Variants in GABRG2 observed in about 807,000 individuals in gnomAD.
GABRG2 encodes gamma-aminobutyric acid type A receptor subunit gamma2, also known as gamma-aminobutyric acid receptor subunit gamma-2.
Under a neutral mutation model 56.4 loss-of-function variants are expected in GABRG2, and 16 were observed. The ratio of observed to expected loss-of-function variants is 0.28; its 90% CI spans 0.19 to 0.43. The LOEUF (loss-of-function observed/expected upper bound fraction) is 0.43, where lower values mean the gene tolerates loss of function less well. GABRG2 is among the 20% of genes least tolerant of loss of function. The probability of loss-of-function intolerance (pLI) is 1.00; values close to 1 mark genes in which losing one functional copy is unlikely to be tolerated. For synonymous variants in GABRG2, 208 were observed against 205.5 expected, an observed-to-expected ratio of 1.01 and a Z score of -0.10; for missense variants, 327 against 582.7, an observed-to-expected ratio of 0.56 and a Z score of 4.52.
intron 6 of GABRG2, among the ~76,000 whole-genome samples, chr5:162,128,161 C>T (rs1368661062): frequency 6.6e-6 from 1 of 151,982 alleles, no homozygotes; most frequent in Non-Finnish European, 1.5e-5. Context: ...GAATACCCTC[C>T]CTTTCCTGGA....
intron 6 of GABRG2, among the ~76,000 whole-genome samples, chr5:162,130,446 T>C (rs987688219): frequency 3.9e-5 from 6 of 151,962 alleles, no homozygotes; most frequent in African/African-American, 1.4e-4. Flanking sequence ...ATTAGGTTTC[T>C]CTACCTCTGT....
In GABRG2 at chr5:162,093,846, TG is replaced by T. The variant is rs1760796327; in HGVS notation, c.127del (p.Asp43MetfsTer15). On this transcript the variant is annotated frameshift_variant, in exon 2 of 10. Transcript: ENST00000639213. LOFTEE classifies it high-confidence loss of function. ...TTCTTAGCTTCACTAGCCAGAAATC[TG>T]ATGATGACTATGAAGATTATGCTTC... ...LYPGFTSQKS[D>X]DDYEDYASNK... The T allele has an allele frequency of 6.2e-7, 1 of 1,613,028 alleles. No individual in the cohort carries two copies. Among genetic ancestry groups the T allele is most frequent in the Non-Finnish European group, 8.5e-7 (1 of 1,179,438 alleles).
chr5:162,150,832 C>A (rs938316715), intron 8 of GABRG2: 1 of 152,214 alleles, frequency 6.6e-6, no homozygotes, highest in African/African-American at 2.4e-5. Context: ...AAAATGCTTT[C>A]TTTAATTGCT....
chr5:162,090,139 CTGTAATGA>C lies in GABRG2; in HGVS notation c.108-3686_108-3679del, dbSNP rs1447023978. 2.0e-5 allele frequency among the ~76,000 whole-genome samples: 3 copies of C among 152,084 alleles called. No individual in the cohort carries two copies. In the South Asian group the frequency reaches 6.2e-4, roughly 32 times the overall value. ...GCCTAAATTCAAATTATGCATAAAA[CTGTAATGA>C]TGAGAATAAAAGTGAATAATCTAAT... On this transcript the variant is annotated intron_variant, in intron 1 of 9. Coordinates refer to ENST00000639213, the MANE Select transcript of GABRG2 (RefSeq NM_198904.4).
intron 1 of GABRG2, among the ~76,000 whole-genome samples, chr5:162,087,775 A>G (rs1760243543): frequency 6.6e-6 from 1 of 152,162 alleles, no homozygotes; most frequent in African/African-American, 2.4e-5. Flanking sequence ...AATTGAATTC[A>G]TCTTAGCTAA....
rs1765612082 is a variant in GABRG2, at chr5:162,154,928, C to T, written c.*1560C>T. On this transcript the variant is annotated 3_prime_UTR_variant, in exon 10 of 10. Transcript: ENST00000639213. Reference sequence around the variant, plus strand: ...CAAAGCAATTTCTCCAGACTTAAAACATGATGAGTTGAGCTCTATCTTCAT... The same window carrying T: ...CAAAGCAATTTCTCCAGACTTAAAATATGATGAGTTGAGCTCTATCTTCAT... 6.6e-6 allele frequency: 1 copy of T among 152,048 alleles called. No individual in the cohort carries two copies. 9.4% of individuals were successfully genotyped at this position (152,048 alleles called of 1,614,324 possible).
At position 162,105,430 on chromosome 5, in the gene GABRG2, A is replaced by ATTTTTTTT. The variant is rs1319420213; in HGVS notation, c.769+1405_769+1406insTTTTTTTT. ...CTGACCATCAAGTATTAGTAGAACA[A>ATTTTTTTT]TCTTTTTTTTTTTTTTTGAGAAGGA... On this transcript the variant is annotated intron_variant, in intron 6 of 9. Transcript: ENST00000639213. Among the ~76,000 whole-genome samples the ATTTTTTTT allele has an allele frequency of 1.1e-4, 5 of 44,004 alleles. 1 individual carries two copies. The highest frequency in any genetic ancestry group is 3.3e-4 in the African/African-American group (4 of 12,040). 28.9% of individuals were successfully genotyped at this position (44,004 alleles called of 152,430 possible). A position where few individuals can be genotyped will look rare whatever the true frequency, so the allele number is the denominator to read the frequency against.
chr5:162,074,912 G>GCC (rs965199694), intron 1 of GABRG2, among the ~76,000 whole-genome samples: 1 of 147,296 alleles, frequency 6.8e-6, no homozygotes, highest in Non-Finnish European at 1.5e-5. Context: ...TGGCCTCTTA[G>GCC]TCTTTTTATG....
intron 6 of GABRG2, among the ~76,000 whole-genome samples, chr5:162,138,009 C>T (rs575114935): frequency 6.6e-6 from 1 of 152,084 alleles, no homozygotes; most frequent in East Asian, 1.9e-4. Context: ...ATCCATGTAC[C>T]TTGTGCTCCC....
intron 1 of GABRG2, among the ~76,000 whole-genome samples, chr5:162,085,558 C>CTTTTTTTTTTACTTTTTTTTTTT (rs1760016896): frequency 7.4e-6 from 1 of 135,470 alleles, no homozygotes; most frequent in Admixed American, 7.3e-5. Context: ...TTTTTTTCTT[C>CTTTTTTTTTTACTTTTTTTTTTT]TTTTTTTTTT....
chr5:162,125,797 G>A (rs539638749), intron 6 of GABRG2, among the ~76,000 whole-genome samples: 14 of 151,838 alleles, frequency 9.2e-5, no homozygotes, highest in African/African-American at 3.4e-4. Context: ...GAGGGGATGA[G>A]GGAAGGTTAT....
intron 1 of GABRG2, among the ~76,000 whole-genome samples, chr5:162,092,749 C>G (rs1371147076): frequency 2.0e-5 from 3 of 151,918 alleles, no homozygotes; most frequent in African/African-American, 7.3e-5. Flanking sequence ...AAAATTCATT[C>G]TATACTATAT....
At chr5:162,132,468 G>A (rs1763829139) in intron 6 of GABRG2, among the ~76,000 whole-genome samples, 1 of 151,862 alleles carries the variant, frequency 6.6e-6, no homozygotes, top group Non-Finnish European at 1.5e-5. Context: ...TGTCAGAAGG[G>A]CAAAATGTAA....
chr5:162,068,237 A>C (rs375698893), intron 1 of GABRG2, 131 bp downstream of exon 1: 2 of 713,806 alleles, frequency 2.8e-6, no homozygotes, highest in African/African-American at 3.5e-5. Context: ...TTTAGGAGAG[A>C]GCGAATATAT....
intron 1 of GABRG2, among the ~76,000 whole-genome samples, chr5:162,072,042 A>T (rs2113116812): frequency 6.6e-6 from 1 of 152,138 alleles, no homozygotes; most frequent in South Asian, 2.1e-4. Context: ...TTGGCTTGTA[A>T]TTTAAATAAT....
Position 162,127,767 on chromosome 5 carries a change from T to C in GABRG2, c.770-14397T>C, listed in dbSNP as rs553960965. ...TATATTATGCTTTCTATCAGATCAA[T>C]CAAAGGAAGGGAATGCAACACAAAA... On this transcript the variant is annotated intron_variant, in intron 6 of 9. Transcript: ENST00000639213. 9.9e-5 allele frequency among the ~76,000 whole-genome samples: 15 copies of C among 152,060 alleles called. No individual in the cohort carries two copies. The Middle Eastern group carries it at 0.014, about 138-fold the overall frequency.
At chr5:162,097,215 A>G (rs144599174) in intron 3 of GABRG2, among the ~76,000 whole-genome samples, 11 of 152,220 alleles carry the variant, frequency 7.2e-5, no homozygotes, top group African/African-American at 2.6e-4. Context: ...TTTAGTTGTC[A>G]TTACTTGGCA....
chr5:162,125,291 A>G (rs1418556052), intron 6 of GABRG2, among the ~76,000 whole-genome samples: 3 of 151,260 alleles, frequency 2.0e-5, no homozygotes, highest in Non-Finnish European at 4.4e-5. Flanking sequence ...GTTCTTTTTA[A>G]TCTTCTGGAT....
At chr5:162,072,407 G>A (rs918686431) in intron 1 of GABRG2, among the ~76,000 whole-genome samples, 1 of 151,942 alleles carries the variant, frequency 6.6e-6, no homozygotes, top group African/African-American at 2.4e-5. Context: ...TAAGAAGATT[G>A]AATTATAATG....
Sources: gnomAD v4.1 joint callset for allele counts (sites outside exome capture counted in the v4.1 genomes callset) on GRCh38, gnomAD v4.1.1 for gene constraint, MANE v1.5 for transcripts, NCBI Gene and HGNC (gene_info 2026-07-23, HGNC 2026-07-21) for gene names.